The following ZNF831 variants were observed in gnomAD, a reference collection of about 807,000 sequenced individuals.
ZNF831 encodes zinc finger protein 831.
Under a neutral mutation model 95.8 loss-of-function variants are expected in ZNF831, and 59 were observed. The ratio of observed to expected loss-of-function variants is 0.62; its 90% CI spans 0.50 to 0.77. ZNF831 has a LOEUF of 0.77. Ranked by LOEUF, ZNF831 falls within the 30% of genes least tolerant of loss-of-function variation. ZNF831 has a pLI of 0.00. For synonymous variants in ZNF831, 961 were observed against 925.5 expected (o/e 1.04, Z -0.70); for missense variants, 2,205 against 2,164.0 (o/e 1.02, Z -0.38).
intron 3 of ZNF831, among the ~76,000 whole-genome samples, chr20:59,197,983 T>C (rs1484445346): frequency 6.6e-6 from 1 of 152,194 alleles, no homozygotes; most frequent in Non-Finnish European, 1.5e-5. Context: ...CCAGGCATCA[T>C]TGGAAAGATG....
intron 1 of ZNF831, among the ~76,000 whole-genome samples, chr20:59,185,122 C>T (rs76833326): frequency 0.092 from 13,935 of 152,150 alleles, 777 homozygotes; most frequent in Non-Finnish European, 0.12. Flanking sequence ...TTCCCAGCCC[C>T]GGCCCCCAGC....
rs1981545707 is a variant in ZNF831 at position 59,169,384 on chromosome 20, T to C, written c.-37+5177T>C. Among the ~76,000 whole-genome samples, 1 of 152,190 alleles carries C rather than the reference T, an allele frequency of 6.6e-6. No homozygotes were observed. Among genetic ancestry groups the C allele is most frequent in the African/African-American group, 2.4e-5 (1 of 41,436 alleles). ...TAAGGTCATTTTAATGTCTGCAGGG[T>C]CTGTAGTGATAGCCCATTTTCCTTC... On this transcript the variant is annotated intron_variant, in intron 1 of 5. Coordinates refer to ENST00000371030, the MANE Select transcript of ZNF831 (RefSeq NM_178457.3). The surrounding 1 kb of genome is among the most constrained non-coding windows in gnomAD (Gnocchi z 4.1).
At chr20:59,153,940 G>C (rs1316890046) in intron 2 of ZNF831, among the ~76,000 whole-genome samples, 1 of 152,190 alleles carries the variant, frequency 6.6e-6, no homozygotes, top group Non-Finnish European at 1.5e-5. Flanking sequence ...GCATTGTCCT[G>C]TTCAGGTGGT....
intron 4 of ZNF831, among the ~76,000 whole-genome samples, chr20:59,233,262 C>G (rs1419377860): frequency 2.0e-5 from 3 of 152,164 alleles, no homozygotes; most frequent in Non-Finnish European, 4.4e-5. Context: ...CCTTCCCATT[C>G]AGTACTGGGC....
rs1980020982 is a variant in ZNF831, at chr20:59,148,607, G to A, written c.-1281+2233G>A. 2.4e-5 allele frequency among the ~76,000 whole-genome samples: 3 copies of A among 125,128 alleles called. 1 individual carries two copies. Among genetic ancestry groups the A allele is most frequent in the Non-Finnish European group, 3.4e-5 (2 of 58,514 alleles). 82.1% of individuals were successfully genotyped at this position (125,128 alleles called of 152,430 possible). ...AGGCAGGAGAATGGCGTGAACCCGG[G>A]AGGTGGAGCTTGCAGTGAGTCGAGA... is the stretch of plus-strand genomic sequence containing the variant. On this transcript the variant is annotated intron_variant, in intron 2 of 7. Coordinates refer to the ZNF831 transcript ENST00000637017.
intron 2 of ZNF831, 184 bp from the exon 3 acceptor site, chr20:59,195,685 C>G (rs1402610930): frequency 7.2e-6 from 6 of 836,638 alleles, no homozygotes; most frequent in Non-Finnish European, 8.6e-6. Context: ...TCAGGAGGTT[C>G]TGTCCAGGAA....
intron 4 of ZNF831, 144 bp from the exon 5 acceptor site, chr20:59,252,834 T>G: frequency 1.3e-6 from 1 of 758,128 alleles, no homozygotes. Flanking sequence ...TGGTTGGAGA[T>G]AAATTGAGTT....
intron 1 of ZNF831, among the ~76,000 whole-genome samples, chr20:59,135,947 T>G (rs1157364049): frequency 6.6e-6 from 1 of 152,148 alleles, no homozygotes; most frequent in Admixed American, 6.5e-5. Flanking sequence ...GCACTTCAGC[T>G]TGGGCAACGG....
rs138229512 is a variant in ZNF831, at chr20:59,191,400, C to A, written c.381C>A (p.Gly127=). 215 of 1,610,216 alleles carry A rather than the reference C, an allele frequency of 1.3e-4. No individual in the cohort carries two copies. In the African/African-American group the frequency reaches 1.6e-3, roughly 12 times the overall value. Residue 127 remains glycine, a synonymous_variant, in exon 2 of 6, where the codon GGC becomes GGA. Transcript: ENST00000371030. ...IVGTLPVLSP[G]LGPTLGSPGK... is the part of the protein sequence containing the mutation. ...GCACTCTGCCTGTCCTGTCGCCGGG[C>A]CTGGGCCCCACGCTGGGCAGCCCAG...
chr20:59,210,191 C>T (rs534222909), intron 4 of ZNF831, among the ~76,000 whole-genome samples: 122 of 152,192 alleles, frequency 8.0e-4, no homozygotes, highest in Non-Finnish European at 1.7e-3. Flanking sequence ...ATCATTTTTG[C>T]AGGAAAGTTC....
At chr20:59,241,163 A>G (rs1165821754) in intron 4 of ZNF831, among the ~76,000 whole-genome samples, 2 of 152,216 alleles carry the variant, frequency 1.3e-5, no homozygotes, top group African/African-American at 4.8e-5. Context: ...TTATTCCTCC[A>G]TTCCTCTTTG....
intron 2 of ZNF831, among the ~76,000 whole-genome samples, chr20:59,147,886 A>G (rs974358520): frequency 3.7e-4 from 56 of 152,388 alleles, no homozygotes; most frequent in African/African-American, 1.2e-3. Context: ...GATTGTACGC[A>G]TGAAGCCTTG....
chr20:59,253,749 T>C, intron 5 of ZNF831, 149 bp from the exon 6 acceptor site: 1 of 839,970 alleles, frequency 1.2e-6, no homozygotes, highest in Non-Finnish European at 1.8e-6. Context: ...GGAAACTTAT[T>C]GAGGGCGTCA....
At chr20:59,214,483 G>C (rs908796636) in intron 4 of ZNF831, among the ~76,000 whole-genome samples, 2 of 152,204 alleles carry the variant, frequency 1.3e-5, no homozygotes, top group African/African-American at 2.4e-5. Context: ...GCTACTCCAT[G>C]TCATCTTGAG....
At chr20:59,250,915 A>G (rs259961) in intron 4 of ZNF831, among the ~76,000 whole-genome samples, 112,716 of 151,986 alleles carry the variant, frequency 0.74, 43,140 homozygotes, top group African/African-American at 0.93. Flanking sequence ...AATAAGGGCA[A>G]TTCTAGAAAG....
intron 1 of ZNF831, among the ~76,000 whole-genome samples, chr20:59,189,964 C>T (rs1436660389): frequency 6.6e-6 from 1 of 152,228 alleles, no homozygotes; most frequent in Non-Finnish European, 1.5e-5. Context: ...CTGGGGACCC[C>T]TGATTCTCTA....
chr20:59,176,996 C>A (rs544933393), intron 1 of ZNF831, among the ~76,000 whole-genome samples: 6 of 122,358 alleles, frequency 4.9e-5, no homozygotes, highest in Non-Finnish European at 1.0e-4. Context: ...CAGGCCCATA[C>A]TGGAAAGATC....
intron 3 of ZNF831, among the ~76,000 whole-genome samples, chr20:59,201,877 C>G (rs1984554138): frequency 6.6e-6 from 1 of 152,104 alleles, no homozygotes; most frequent in Non-Finnish European, 1.5e-5. Context: ...CAGAAATAGA[C>G]CATGCTGTGG....
At chr20:59,153,475 G>T (rs1980361706) in intron 2 of ZNF831, among the ~76,000 whole-genome samples, 1 of 152,256 alleles carries the variant, frequency 6.6e-6, no homozygotes, top group South Asian at 2.1e-4. Context: ...CATTGAGGGA[G>T]TGAGTGCCAA....
Sources: gnomAD v4.1 joint callset for allele counts (sites outside exome capture counted in the v4.1 genomes callset) on GRCh38, gnomAD v4.1.1 for gene constraint, Gnocchi (gnomAD v3.1) non-coding constraint, MANE v1.5 for transcripts, NCBI Gene and HGNC (gene_info 2026-07-23, HGNC 2026-07-21) for gene names.